SNX25: variants seen among roughly 807,000 people sequenced by gnomAD.
SNX25 encodes sorting nexin-25.
Under a neutral mutation model 113.7 loss-of-function variants are expected in SNX25, and 62 were observed. The ratio of observed to expected loss-of-function variants is 0.55; its 90% CI spans 0.44 to 0.67. The LOEUF (loss-of-function observed/expected upper bound fraction) is 0.67. SNX25 is among the 30% of genes least tolerant of loss of function. The probability of loss-of-function intolerance (pLI) is 0.00; values close to 1 mark genes in which losing one functional copy is unlikely to be tolerated. For missense variants in SNX25, 1,014 were observed against 1,161.0 expected (o/e 0.87, Z 1.84); for synonymous variants, 421 against 436.2 (o/e 0.97, Z 0.43).
At chr4:185,362,523 G>C (rs530630573) in intron 17 of SNX25, 88 bp from the exon 18 acceptor site, 3 of 1,283,298 alleles carry the variant, frequency 2.3e-6, no homozygotes, top group Non-Finnish European at 3.3e-6. Context: ...ATTGACTGAA[G>C]GTGTATAATG....
intron 3 of SNX25, 150 bp downstream of exon 3, chr4:185,259,214 C>T: frequency 1.5e-6 from 1 of 672,984 alleles, no homozygotes; most frequent in South Asian, 2.2e-5. Context: ...TAATTATGTT[C>T]TGGTAGAGTA....
intron 1 of SNX25, among the ~76,000 whole-genome samples, chr4:185,241,544 G>A (rs1744041041): frequency 6.8e-6 from 1 of 146,302 alleles, no homozygotes; most frequent in African/African-American, 2.5e-5. Context: ...AGGGAGAGGA[G>A]GGAGAGGGAG....
intron 2 of SNX25, 105 bp from the exon 3 acceptor site, chr4:185,258,743 A>G (rs1377510052): frequency 4.7e-6 from 4 of 854,746 alleles, no homozygotes; most frequent in African/African-American, 3.4e-5. Flanking sequence ...CTTTAATTTT[A>G]AACAGTGAAT....
At chr4:185,356,419 A>T (rs982425439) in intron 15 of SNX25, among the ~76,000 whole-genome samples, 1 of 152,188 alleles carries the variant, frequency 6.6e-6, no homozygotes, top group South Asian at 2.1e-4. Context: ...TGAAGTTATC[A>T]TCACTGATAG....
intron 8 of SNX25, among the ~76,000 whole-genome samples, chr4:185,321,236 T>C (rs1225951204): frequency 6.6e-6 from 1 of 152,022 alleles, no homozygotes; most frequent in Non-Finnish European, 1.5e-5. Flanking sequence ...ATAATGTGCA[T>C]GTTTTATACT....
chr4:185,367,907 C>T (rs1017412909), downstream of SNX25, among the ~76,000 whole-genome samples: 1 of 152,112 alleles, frequency 6.6e-6, no homozygotes, highest in Admixed American at 6.5e-5. Context: ...TGGCCGGGCG[C>T]GGTAGCTCAC....
intron 1 of SNX25, among the ~76,000 whole-genome samples, chr4:185,240,484 C>T (rs1218869880): frequency 2.7e-5 from 4 of 148,606 alleles, no homozygotes; most frequent in African/African-American, 1.0e-4. Context: ...GCAGAGGCGC[C>T]CCTCACCTCC....
At position 185,340,307 on chromosome 4, in the gene SNX25, C is replaced by A. The variant is rs138765044; in HGVS notation, c.2046+797C>A. On this transcript the variant is annotated intron_variant, in intron 11 of 18. Coordinates refer to ENST00000652585, the MANE Select transcript of SNX25 (RefSeq NM_001378034.2). ...GGGGTTGGGAGAGGGTCAAAATTCA[C>A]GACCTTAAATTTATCTCTAGGTTGG... is the stretch of plus-strand genomic sequence containing the variant. Among the ~76,000 whole-genome samples, 180 of 152,202 alleles carry A rather than the reference C, an allele frequency of 1.2e-3. 4 individuals carry two copies. The South Asian group carries it at 0.036, about 31-fold the overall frequency.
At chr4:185,332,544 A>T (rs1287574679) in intron 9 of SNX25, 51 bp from the exon 10 acceptor site, 4 of 1,497,518 alleles carry the variant, frequency 2.7e-6, no homozygotes, top group Non-Finnish European at 3.6e-6. Context: ...GATAATAATT[A>T]CTGAATTTTC....
At chr4:185,346,087 G>A (rs538372258) in intron 12 of SNX25, among the ~76,000 whole-genome samples, 40 of 152,328 alleles carry the variant, frequency 2.6e-4, no homozygotes, top group African/African-American at 9.4e-4. Flanking sequence ...TTGAACTCCT[G>A]ACCTCATGTG....
At chr4:185,329,622 G>A (rs2095180097) in intron 9 of SNX25, among the ~76,000 whole-genome samples, 2 of 152,232 alleles carry the variant, frequency 1.3e-5, no homozygotes, top group Admixed American at 1.3e-4. Context: ...GATGTTGGAT[G>A]TTCCAGTTGG....
At chr4:185,221,770 C>T (rs1382398616) in intron 1 of SNX25, among the ~76,000 whole-genome samples, 2 of 123,968 alleles carry the variant, frequency 1.6e-5, no homozygotes, top group Non-Finnish European at 1.7e-5. Flanking sequence ...CTTTTTCTGT[C>T]TGTAGGGACT....
At chr4:185,269,334 T>G (rs2126555777) in intron 5 of SNX25, among the ~76,000 whole-genome samples, 1 of 152,306 alleles carries the variant, frequency 6.6e-6, no homozygotes, top group South Asian at 2.1e-4. Flanking sequence ...ATCTACCTGG[T>G]GTTTTCGTGC....
upstream of SNX25, among the ~76,000 whole-genome samples, chr4:185,208,764 C>T (rs1471486175): frequency 6.6e-6 from 1 of 152,006 alleles, no homozygotes; most frequent in Non-Finnish European, 1.5e-5. Context: ...AATGAAATGC[C>T]CATGAATACC....
intron 5 of SNX25, among the ~76,000 whole-genome samples, chr4:185,270,079 CA>C (rs35691426): frequency 0.49 from 60,422 of 123,358 alleles, 12,600 homozygotes; most frequent in East Asian, 0.6. Context: ...AGAAGTAGCT[CA>C]AAAAAAAAAA....
At chr4:185,249,768 A>G (rs926598991) in intron 2 of SNX25, among the ~76,000 whole-genome samples, 1 of 151,642 alleles carries the variant, frequency 6.6e-6, no homozygotes, top group African/African-American at 2.4e-5. Context: ...CATGTGTAGA[A>G]TTTCCATTTG....
chr4:185,336,157 T>C (rs2095228664), intron 10 of SNX25, among the ~76,000 whole-genome samples: 1 of 152,156 alleles, frequency 6.6e-6, no homozygotes, highest in Admixed American at 6.5e-5. Flanking sequence ...TTTACCATTT[T>C]AGCTACTTCT....
intron 5 of SNX25, among the ~76,000 whole-genome samples, chr4:185,273,985 T>C (rs1749300824): frequency 6.6e-6 from 1 of 151,966 alleles, no homozygotes; most frequent in Admixed American, 6.6e-5. Context: ...GGGTGGATTC[T>C]AGAATTTCAC....
intron 1 of SNX25, among the ~76,000 whole-genome samples, chr4:185,242,480 G>T (rs1744215648): frequency 1.3e-5 from 2 of 152,312 alleles, no homozygotes; most frequent in East Asian, 3.9e-4. Flanking sequence ...TTAATTTGCT[G>T]GAGCAGCTCA....
Sources: gnomAD v4.1 joint callset for allele counts (sites outside exome capture counted in the v4.1 genomes callset) on GRCh38, gnomAD v4.1.1 for gene constraint, MANE v1.5 for transcripts, NCBI Gene and HGNC (gene_info 2026-07-23, HGNC 2026-07-21) for gene names.